Variants in CCAR1 observed in about 807,000 individuals in gnomAD.
CCAR1 encodes cell division cycle and apoptosis regulator 1, also known as cell division cycle and apoptosis regulator protein 1.
In CCAR1, 78 loss-of-function variants were observed where a neutral mutation model predicts 163.8. The ratio of observed to expected loss-of-function variants is 0.48; its 90% CI spans 0.40 to 0.57. The LOEUF (loss-of-function observed/expected upper bound fraction) is 0.57. Among genes scored for constraint, CCAR1 ranks in the 20% least tolerant of loss-of-function variants. CCAR1 has a pLI of 0.00. For synonymous variants in CCAR1, 443 were observed against 460.7 expected (o/e 0.96, Z 0.49); for missense variants, 1,019 against 1,365.2 (o/e 0.75, Z 4.00).
chr10:68,731,759 T>A (rs1436701731), intron 2 of CCAR1, among the ~76,000 whole-genome samples: 1 of 151,894 alleles, frequency 6.6e-6, no homozygotes, highest in Non-Finnish European at 1.5e-5. Flanking sequence ...CCTGGCTAAT[T>A]TTTGTATTTT....
At chr10:68,772,250 A>G (rs1422775102) in intron 18 of CCAR1, among the ~76,000 whole-genome samples, 1 of 152,052 alleles carries the variant, frequency 6.6e-6, no homozygotes, top group Non-Finnish European at 1.5e-5. Flanking sequence ...TGGGAGTCCA[A>G]GGTGGACAGA....
intron 2 of CCAR1, among the ~76,000 whole-genome samples, chr10:68,736,112 C>T (rs1283453543): frequency 6.6e-6 from 1 of 152,090 alleles, no homozygotes; most frequent in Non-Finnish European, 1.5e-5. Flanking sequence ...CTCGGTTTCC[C>T]AGAGTTCTGG....
At chr10:68,754,911 A>C in intron 12 of CCAR1, 84 bp downstream of exon 12, 4 of 732,424 alleles carry the variant, frequency 5.5e-6, no homozygotes, top group Non-Finnish European at 7.0e-6. Flanking sequence ...AAAGCCCTAC[A>C]TTTTAATATT....
intron 2 of CCAR1, among the ~76,000 whole-genome samples, chr10:68,725,735 G>A (rs1234561411): frequency 6.6e-6 from 1 of 151,848 alleles, no homozygotes; most frequent in Non-Finnish European, 1.5e-5. Context: ...TTTAATTCGA[G>A]GTCAATTTCG....
At chr10:68,753,682 A>G (rs909609370) in intron 10 of CCAR1, among the ~76,000 whole-genome samples, 170 bp from the exon 11 acceptor site, 4 of 152,220 alleles carry the variant, frequency 2.6e-5, no homozygotes, top group African/African-American at 7.2e-5. Context: ...TATAAATTTG[A>G]ACGTAATATT....
rs144098970 is a variant in CCAR1 at position 68,770,816 on chromosome 10, G to T, written c.2299-390G>T. On this transcript the variant is annotated intron_variant, in intron 17 of 24. Transcript: ENST00000265872. ...TAAGTGGCTAGGCGCGGTGGCTTAC[G>T]CCTGTAATCCCAGCACTTTGGGAGG... is the stretch of plus-strand genomic sequence containing the variant. Among the ~76,000 whole-genome samples, 9 of 152,284 alleles carry T rather than the reference G, an allele frequency of 5.9e-5. No homozygotes were observed. The East Asian group carries it at 1.7e-3, about 29-fold the overall frequency.
At chr10:68,744,312 T>G (rs1018968961) in intron 6 of CCAR1, among the ~76,000 whole-genome samples, 2 of 152,240 alleles carry the variant, frequency 1.3e-5, no homozygotes, top group Non-Finnish European at 2.9e-5. Flanking sequence ...ACGTGTCTAA[T>G]GACGTAGCAT....
In CCAR1 at chr10:68,791,133, T is replaced by C. The variant is rs548694448; in HGVS notation, c.3394-74T>C. On this transcript the variant is annotated intron_variant, in intron 24 of 24. Coordinates refer to ENST00000265872, the MANE Select transcript of CCAR1 (RefSeq NM_018237.4). ...AAAAAGTATACCAAACTGAATACCA[T>C]TGTACTCTAAAATCAAAGTAACATT... is the stretch of plus-strand genomic sequence containing the variant. 14 of 833,858 alleles carry C rather than the reference T, an allele frequency of 1.7e-5. No individual in the cohort carries two copies. In the East Asian group the frequency reaches 3.6e-4, roughly 21 times the overall value. 51.7% of individuals were successfully genotyped at this position (833,858 alleles called of 1,614,324 possible).
rs1325640613 is a variant in CCAR1 at position 68,787,921 on chromosome 10, T to C, written c.2881-6T>C. 4 of 1,594,874 alleles carry C rather than the reference T, an allele frequency of 2.5e-6. No individual in the cohort carries two copies. The highest frequency in any genetic ancestry group is 3.4e-6 in the Non-Finnish European group (4 of 1,174,354). On this transcript the variant is annotated splice_region_variant and splice_polypyrimidine_tract_variant and intron_variant, in intron 21 of 24. Coordinates refer to ENST00000265872, the MANE Select transcript of CCAR1 (RefSeq NM_018237.4). ...TCTGTATTTTGTTTACTTGCATGCA[T>C]AACAGGTAAAGAAGCTTCTTAATAA...
intron 6 of CCAR1, among the ~76,000 whole-genome samples, chr10:68,742,872 C>T (rs548248433): frequency 6.6e-6 from 1 of 152,308 alleles, no homozygotes; most frequent in South Asian, 2.1e-4. Flanking sequence ...CCCGCCTCAG[C>T]TTCCCAAGGT....
chr10:68,770,173 A>G (rs1391104377), intron 17 of CCAR1, among the ~76,000 whole-genome samples: 4 of 152,040 alleles, frequency 2.6e-5, no homozygotes, highest in East Asian at 3.9e-4. Flanking sequence ...CTCTCTTGTT[A>G]TACTCTAGGT....
intron 2 of CCAR1, among the ~76,000 whole-genome samples, chr10:68,730,901 C>T (rs2056029338): frequency 6.6e-6 from 1 of 152,076 alleles, no homozygotes; most frequent in African/African-American, 2.4e-5. Flanking sequence ...TCTTGTTGCC[C>T]AGGCTGCCCT....
chr10:68,765,831 C>A, intron 16 of CCAR1, 57 bp from the exon 17 acceptor site: 2 of 1,166,974 alleles, frequency 1.7e-6, no homozygotes, highest in Non-Finnish European at 2.5e-6. Flanking sequence ...TCATCTTGCA[C>A]ATGTATATAC....
chr10:68,790,813 A>G (rs2056844505), intron 24 of CCAR1, among the ~76,000 whole-genome samples: 1 of 150,394 alleles, frequency 6.6e-6, no homozygotes, highest in East Asian at 2.0e-4. Flanking sequence ...TTGAGACCAC[A>G]GTAAAACCCC....
chr10:68,769,358 C>T (rs1410399457), intron 17 of CCAR1, among the ~76,000 whole-genome samples: 1 of 152,176 alleles, frequency 6.6e-6, no homozygotes, highest in Non-Finnish European at 1.5e-5. Context: ...CAGTGGCTCA[C>T]GCCTGTAATC....
intron 15 of CCAR1, chr10:68,759,230 A>G (rs1183146757): frequency 6.6e-6 from 1 of 152,204 alleles, no homozygotes; most frequent in Non-Finnish European, 1.5e-5. Flanking sequence ...CTTCTGCAAC[A>G]TAGTGAGGCC....
At chr10:68,743,050 A>C (rs934258334) in intron 6 of CCAR1, among the ~76,000 whole-genome samples, 1 of 152,050 alleles carries the variant, frequency 6.6e-6, no homozygotes, top group Non-Finnish European at 1.5e-5. Context: ...CTCCTGCCTC[A>C]GCCTCCCGAG....
chr10:68,775,497 C>CTTTTTTTT (rs58856212), intron 19 of CCAR1, among the ~76,000 whole-genome samples: 51 of 117,972 alleles, frequency 4.3e-4, no homozygotes, highest in African/African-American at 6.4e-4. Context: ...GCCTCATTTT[C>CTTTTTTTT]TTTTTTTTTT....
chr10:68,763,006 CATT>C (rs2056492431), intron 16 of CCAR1, among the ~76,000 whole-genome samples: 1 of 152,094 alleles, frequency 6.6e-6, no homozygotes, highest in East Asian at 1.9e-4. Context: ...ATGGATGTGA[CATT>C]AGATAATATT....
Sources: gnomAD v4.1 joint callset for allele counts (sites outside exome capture counted in the v4.1 genomes callset) on GRCh38, gnomAD v4.1.1 for gene constraint, MANE v1.5 for transcripts, NCBI Gene and HGNC (gene_info 2026-07-23, HGNC 2026-07-21) for gene names.